CHD9: variants seen among roughly 807,000 people sequenced by gnomAD.
CHD9 encodes chromodomain helicase DNA binding protein 9, also known as ATP-dependent chromatin remodeler CHD9.
CHD9 carries 77 observed loss-of-function variants against 316.1 expected under a neutral mutation model. That is an observed-to-expected ratio of 0.24 (90% CI 0.20 to 0.29). CHD9 has a LOEUF of 0.29. Among genes scored for constraint, CHD9 ranks in the 10% least tolerant of loss-of-function variants. The probability of loss-of-function intolerance (pLI) is 1.00; values close to 1 mark genes in which losing one functional copy is unlikely to be tolerated. For missense variants in CHD9, 2,763 were observed against 3,438.1 expected, an observed-to-expected ratio of 0.80 and a Z score of 4.91; for synonymous variants, 1,129 against 1,158.3, an observed-to-expected ratio of 0.97 and a Z score of 0.51.
chr16:53,172,703 T>G (rs1439702619), intron 2 of CHD9, among the ~76,000 whole-genome samples: 1 of 150,592 alleles, frequency 6.6e-6, no homozygotes, highest in Non-Finnish European at 1.5e-5. Flanking sequence ...CTGTTTTTAA[T>G]TTTAGCCATA....
At chr16:53,113,438 G>A (rs905442211) in intron 1 of CHD9, among the ~76,000 whole-genome samples, 2 of 136,578 alleles carry the variant, frequency 1.5e-5, no homozygotes, top group African/African-American at 5.4e-5. Flanking sequence ...TCAGCCTCCC[G>A]AGTAGCTGGG....
intron 1 of CHD9, among the ~76,000 whole-genome samples, chr16:53,099,796 G>A (rs2036688308): frequency 6.6e-6 from 1 of 152,208 alleles, no homozygotes; most frequent in African/African-American, 2.4e-5. Context: ...AAGAGTCCCG[G>A]GAGAGAGCCC....
At position 53,324,310 on chromosome 16, in the gene CHD9, A is replaced by G; in HGVS notation, c.8109A>G (p.Glu2703=). The change falls in exon 39 of 39, where the codon GAA becomes GAG. Residue 2703 remains glutamate (E), a synonymous_variant. Coordinates refer to ENST00000447540, the MANE Select transcript of CHD9 (RefSeq NM_001308319.2). Reference sequence around the variant, plus strand: ...CTACCGGCCTTCCTTCTGGAGGAGAAGCTAAAAACATGGCTGCTATGTTCC... The same window carrying G: ...CTACCGGCCTTCCTTCTGGAGGAGAGGCTAAAAACATGGCTGCTATGTTCC... ...GMPTGLPSGG[E]AKNMAAMFPM... 6.2e-7 allele frequency: 1 copy of G among 1,613,992 alleles called. No homozygotes were observed. Among genetic ancestry groups the G allele is most frequent in the Non-Finnish European group, 8.5e-7 (1 of 1,179,870 alleles).
At chr16:53,298,258 G>A (rs561182772) in intron 30 of CHD9, 1 of 152,282 alleles carries the variant, frequency 6.6e-6, no homozygotes, top group African/African-American at 2.4e-5. Context: ...AGCAGGCACT[G>A]CCCTGCGTGG....
At chr16:53,120,261 A>T (rs1245164636) in intron 1 of CHD9, among the ~76,000 whole-genome samples, 3 of 117,718 alleles carry the variant, frequency 2.5e-5, no homozygotes, top group Non-Finnish European at 3.6e-5. Flanking sequence ...AAATTTTTTT[A>T]AAAAATTGCA....
intron 1 of CHD9, among the ~76,000 whole-genome samples, chr16:53,078,466 G>A (rs1299976793): frequency 6.6e-6 from 1 of 152,182 alleles, no homozygotes; most frequent in Non-Finnish European, 1.5e-5. Flanking sequence ...GGTGCTGGTG[G>A]TATGCCATTG....
chr16:53,183,649 C>T (rs1235511632), intron 2 of CHD9, among the ~76,000 whole-genome samples: 1 of 152,164 alleles, frequency 6.6e-6, no homozygotes, highest in East Asian at 1.9e-4. Flanking sequence ...TACAGTGACT[C>T]ATGCCTTTAA....
At chr16:53,233,467 C>T (rs8061611) in intron 10 of CHD9, among the ~76,000 whole-genome samples, 42,308 of 152,038 alleles carry the variant, frequency 0.28, 5,983 homozygotes, top group Middle Eastern at 0.32. Flanking sequence ...ACATGTTCAG[C>T]TCCCTGGAAG....
intron 1 of CHD9, among the ~76,000 whole-genome samples, chr16:53,059,448 CA>C (rs1262551618): frequency 1.1e-4 from 16 of 151,598 alleles, no homozygotes; most frequent in Admixed American, 1.1e-3. Flanking sequence ...CTATCTTTAA[CA>C]ACAAGAAAAA....
intron 1 of CHD9, among the ~76,000 whole-genome samples, chr16:53,133,041 C>A (rs2039446703): frequency 1.3e-5 from 2 of 152,104 alleles, no homozygotes; most frequent in Non-Finnish European, 2.9e-5. Flanking sequence ...TGGCAGGTCT[C>A]TGTCCTTGGA....
chr16:53,106,498 A>G (rs1368220725), intron 1 of CHD9, among the ~76,000 whole-genome samples: 1 of 152,244 alleles, frequency 6.6e-6, no homozygotes, highest in African/African-American at 2.4e-5. Flanking sequence ...AGTAGCTGGG[A>G]ACATCTTCTG....
intron 2 of CHD9, among the ~76,000 whole-genome samples, chr16:53,198,802 G>T (rs1268983558): frequency 6.6e-6 from 1 of 152,162 alleles, no homozygotes; most frequent in Non-Finnish European, 1.5e-5. Flanking sequence ...TCACATAGAT[G>T]TGTTCCTCTG....
intron 1 of CHD9, among the ~76,000 whole-genome samples, chr16:53,144,254 T>C (rs886755915): frequency 3.3e-5 from 5 of 152,034 alleles, no homozygotes; most frequent in African/African-American, 1.2e-4. Flanking sequence ...TGAATATGAA[T>C]ATAGAAAATA....
rs961716654 is a variant in CHD9, at chr16:53,278,836, G to A, written c.4967+4534G>A. ...ACCATCTCACACCAGTTAGAATGGCGATCATTAAAAAGTCAGGAAACAACA... is the reference window on the plus strand; with the variant it reads ...ACCATCTCACACCAGTTAGAATGGCAATCATTAAAAAGTCAGGAAACAACA... On this transcript the variant is annotated intron_variant, in intron 24 of 38. Coordinates refer to ENST00000447540, the MANE Select transcript of CHD9 (RefSeq NM_001308319.2). Among the ~76,000 whole-genome samples the A allele has an allele frequency of 7.2e-5, 11 of 152,060 alleles. No individual in the cohort carries two copies. In the South Asian group the frequency reaches 1.2e-3, roughly 17 times the overall value.
intron 1 of CHD9, 118 bp from the exon 2 acceptor site, chr16:53,155,808 T>G: frequency 2.8e-6 from 1 of 353,776 alleles, no homozygotes; most frequent in Non-Finnish European, 5.1e-6. Flanking sequence ...AGTCATATAA[T>G]ATGTGGTATT....
chr16:53,064,643 C>T (rs1223653279), intron 1 of CHD9, among the ~76,000 whole-genome samples: 1 of 152,120 alleles, frequency 6.6e-6, no homozygotes, highest in African/African-American at 2.4e-5. Context: ...CCAAATTCAC[C>T]AGAGCCTGGT....
chr16:53,213,088 A>G (rs754374826), intron 3 of CHD9, among the ~76,000 whole-genome samples: 1 of 152,240 alleles, frequency 6.6e-6, no homozygotes, highest in Non-Finnish European at 1.5e-5. Flanking sequence ...CAGCTTAAAA[A>G]TTAAGCAGGA....
chr16:53,136,532 T>C (rs2039721516), intron 1 of CHD9, among the ~76,000 whole-genome samples: 1 of 150,758 alleles, frequency 6.6e-6, no homozygotes, highest in Non-Finnish European at 1.5e-5. Flanking sequence ...TTTTCTTCCA[T>C]TTAAGGAACT....
chr16:53,081,949 A>G (rs1484208585), intron 1 of CHD9, among the ~76,000 whole-genome samples: 1 of 152,070 alleles, frequency 6.6e-6, no homozygotes, highest in East Asian at 1.9e-4. Context: ...AAAAAAGTCT[A>G]ACACCTACTC....
Sources: allele counts gnomAD v4.1 joint callset (sites outside exome capture counted in the v4.1 genomes callset), GRCh38; gene constraint gnomAD v4.1.1; transcripts MANE v1.5; gene names NCBI Gene and HGNC (gene_info 2026-07-23, HGNC 2026-07-21).